The following SUGCT variants were observed in gnomAD, a reference collection of about 807,000 sequenced individuals.
SUGCT encodes succinyl-CoA:glutarate CoA-transferase.
Under a neutral mutation model 55.0 loss-of-function variants are expected in SUGCT, and 41 were observed. The observed-to-expected ratio is 0.74, with a 90% confidence interval of 0.58 to 0.97. SUGCT has a LOEUF of 0.97. Ranked by LOEUF, SUGCT falls within the 50% of genes least tolerant of loss-of-function variation. SUGCT has a pLI of 0.00. For synonymous variants in SUGCT, 187 were observed against 200.4 expected (o/e 0.93, Z 0.56); for missense variants, 568 against 547.8 (o/e 1.04, Z -0.37).
chr7:40,243,040 G>A lies in SUGCT; in HGVS notation c.576+5314G>A, dbSNP rs116772842. 7.9e-3 allele frequency among the ~76,000 whole-genome samples: 1,115 copies of A among 141,632 alleles called. 15 individuals are homozygous for A. The highest frequency in any genetic ancestry group is 0.028 in the African/African-American group (1,054 of 37,950). 92.9% of individuals were successfully genotyped at this position (141,632 alleles called of 152,430 possible). A position where few individuals can be genotyped will look rare whatever the true frequency, so the allele number is the denominator to read the frequency against. ...GCCTCAACATCCCGGGGCTCAGGTG[G>A]TCCTCCCCACTCAGCCTCCTGAGTA... On this transcript the variant is annotated intron_variant, in intron 7 of 13. Coordinates refer to ENST00000335693, the MANE Select transcript of SUGCT (RefSeq NM_001193313.2).
intron 12 of SUGCT, among the ~76,000 whole-genome samples, chr7:40,705,400 C>A (rs1384452143): frequency 6.6e-6 from 1 of 152,108 alleles, no homozygotes; most frequent in African/African-American, 2.4e-5. Flanking sequence ...CCACAAAGAT[C>A]TTTATGCTTT....
chr7:40,890,042 G>A, the SUGCT span, among the ~76,000 whole-genome samples: 8 of 151,782 alleles, frequency 5.3e-5, no homozygotes, highest in Non-Finnish European at 1.2e-4. Context: ...CTGACATATA[G>A]TAGTTGTTCA....
the SUGCT span, among the ~76,000 whole-genome samples, chr7:40,867,808 T>C: frequency 6.6e-6 from 1 of 152,240 alleles, no homozygotes; most frequent in African/African-American, 2.4e-5. Flanking sequence ...TTTGCTGTCT[T>C]AGTCCCCTGT....
chr7:40,159,837 C>CTGGAATTGTGCTACATGG (rs1784063119), intron 1 of SUGCT, among the ~76,000 whole-genome samples: 2 of 152,152 alleles, frequency 1.3e-5, no homozygotes, highest in Non-Finnish European at 2.9e-5. Context: ...GGGAGGGAGT[C>CTGGAATTGTGCTACATGG]TGGAATTGTG....
At chr7:40,395,920 G>C (rs566441026) in intron 9 of SUGCT, among the ~76,000 whole-genome samples, 1 of 152,174 alleles carries the variant, frequency 6.6e-6, no homozygotes, top group Middle Eastern at 3.2e-3. Context: ...GGTTCTTACA[G>C]GGAGAACCAA....
At chr7:40,548,552 T>C (rs1349172397) in intron 12 of SUGCT, among the ~76,000 whole-genome samples, 1 of 152,160 alleles carries the variant, frequency 6.6e-6, no homozygotes, top group Non-Finnish European at 1.5e-5. Context: ...ACAGAAAAAT[T>C]GAGCAGCAGA....
At chr7:40,502,064 T>G (rs1398188175) in intron 12 of SUGCT, among the ~76,000 whole-genome samples, 2 of 152,116 alleles carry the variant, frequency 1.3e-5, no homozygotes, top group Admixed American at 6.6e-5. Flanking sequence ...TACTATTTAG[T>G]AATTTTGAAA....
intron 11 of SUGCT, among the ~76,000 whole-genome samples, chr7:40,466,088 G>A (rs1299656153): frequency 1.3e-5 from 2 of 152,028 alleles, no homozygotes; most frequent in South Asian, 2.1e-4. Flanking sequence ...GTTGGTGGGT[G>A]GGGGAGTGGG....
chr7:40,985,125 T>C, the SUGCT span, among the ~76,000 whole-genome samples: 34 of 152,308 alleles, frequency 2.2e-4, no homozygotes, highest in East Asian at 5.6e-3. Context: ...TTGGATGCTT[T>C]TGCAGAACCC....
intron 1 of SUGCT, chr7:40,151,770 C>T (rs1020067708): frequency 6.5e-6 from 1 of 154,126 alleles, no homozygotes; most frequent in Non-Finnish European, 1.5e-5. Context: ...GCCCAGTGGC[C>T]CAGATACAGT....
At chr7:40,463,311 C>G (rs1358873127) in intron 11 of SUGCT, among the ~76,000 whole-genome samples, 1 of 152,128 alleles carries the variant, frequency 6.6e-6, no homozygotes, top group Non-Finnish European at 1.5e-5. Context: ...TTTTCTCATC[C>G]TTTACACCCA....
chr7:40,903,187 A>G, the SUGCT span, among the ~76,000 whole-genome samples: 1 of 151,938 alleles, frequency 6.6e-6, no homozygotes, highest in South Asian at 2.1e-4. Context: ...GCGTGTCACC[A>G]CTTGCAGGTA....
intron 13 of SUGCT, among the ~76,000 whole-genome samples, chr7:40,789,738 A>G (rs1790213488): frequency 1.3e-5 from 2 of 152,314 alleles, no homozygotes; most frequent in Admixed American, 6.5e-5. Context: ...AGCCTACTTT[A>G]TATTATTCTT....
At chr7:40,854,467 T>TCTTTCTTTCTTTCTTTCTTC (rs1563050867) in intron 13 of SUGCT, among the ~76,000 whole-genome samples, 1 of 148,236 alleles carries the variant, frequency 6.7e-6, no homozygotes, top group African/African-American at 2.6e-5. Context: ...TTTCTTTCTT[T>TCTTTCTTTCTTTCTTTCTTC]CTTTCTTTCT....
intron 6 of SUGCT, chr7:40,217,334 C>T (rs757064405): frequency 2.8e-5 from 10 of 361,426 alleles, no homozygotes; most frequent in South Asian, 2.0e-4. Flanking sequence ...CCTCAGCTTC[C>T]CAAGTGGCTC....
rs557093500 is a variant in SUGCT at position 40,710,406 on chromosome 7, C to A, written c.1090-39028C>A. Among the ~76,000 whole-genome samples, 48 of 152,238 alleles carry A rather than the reference C, an allele frequency of 3.2e-4. 1 individual carries two copies. In the South Asian group the frequency reaches 1.0e-2, roughly 32 times the overall value. ...TCAGTTTGTGGAAATAATATAGATACAACCCCAGCCTCTGTTTTATAGATG... is the reference window on the plus strand; with the variant it reads ...TCAGTTTGTGGAAATAATATAGATAAAACCCCAGCCTCTGTTTTATAGATG... On this transcript the variant is annotated intron_variant, in intron 12 of 13. Transcript: ENST00000335693.
Position 40,227,195 on chromosome 7 carries a change from C to T in SUGCT, c.485-10440C>T, listed in dbSNP as rs183607760. ...CCAAGTAGCTGAGACTACAGGCACC[C>T]GCCACCACGCCTGGCTAATTTTTTT... On this transcript the variant is annotated intron_variant, in intron 6 of 13. Transcript: ENST00000335693. Among the ~76,000 whole-genome samples, 712 of 151,602 alleles carry T rather than the reference C, an allele frequency of 4.7e-3. 7 individuals are homozygous for T. Among genetic ancestry groups the T allele is most frequent in the African/African-American group, 0.016 (670 of 41,350 alleles).
intron 12 of SUGCT, among the ~76,000 whole-genome samples, chr7:40,653,911 A>G (rs1406139118): frequency 6.6e-6 from 1 of 152,154 alleles, no homozygotes; most frequent in Non-Finnish European, 1.5e-5. Context: ...TGTGTGACAC[A>G]GTAGCAAGTA....
intron 1 of SUGCT, among the ~76,000 whole-genome samples, chr7:40,161,162 C>T (rs1181558193): frequency 6.6e-6 from 1 of 152,178 alleles, no homozygotes; most frequent in Non-Finnish European, 1.5e-5. Context: ...ATACCTTAGT[C>T]CAGCACATAG....
Sources: gnomAD v4.1 joint callset for allele counts (sites outside exome capture counted in the v4.1 genomes callset) on GRCh38, gnomAD v4.1.1 for gene constraint, MANE v1.5 for transcripts, NCBI Gene and HGNC (gene_info 2026-07-23, HGNC 2026-07-21) for gene names.